PTPRK: variants seen among roughly 807,000 people sequenced by gnomAD.
The protein encoded by PTPRK is protein tyrosine phosphatase receptor type K.
In PTPRK, 75 loss-of-function variants were observed where a neutral mutation model predicts 178.0. The observed-to-expected ratio is 0.42, with a 90% CI of 0.35 to 0.51. The LOEUF is 0.51. Ranked by LOEUF, PTPRK falls within the 20% of genes least tolerant of loss-of-function variation. The pLI, the probability that PTPRK is intolerant of heterozygous loss-of-function variation, is 0.02. For missense variants in PTPRK, 1,441 were observed against 1,797.8 expected (o/e 0.80, Z 3.59); for synonymous variants, 637 against 620.6 (o/e 1.03, Z -0.39).
intron 3 of PTPRK, among the ~76,000 whole-genome samples, chr6:128,253,632 T>C (rs1464382551): frequency 1.3e-5 from 2 of 152,156 alleles, no homozygotes; most frequent in African/African-American, 4.8e-5. Context: ...GCACCAACAG[T>C]CCAATCTTAC....
intron 7 of PTPRK, among the ~76,000 whole-genome samples, chr6:128,158,719 A>T (rs950628419): frequency 3.0e-4 from 46 of 152,050 alleles, no homozygotes; most frequent in African/African-American, 9.6e-4. Context: ...GTTGTCAAAT[A>T]CTTGACCCGT....
chr6:128,302,748 C>G (rs115929673), intron 3 of PTPRK, among the ~76,000 whole-genome samples: 1 of 152,022 alleles, frequency 6.6e-6, no homozygotes, highest in Admixed American at 6.6e-5. Flanking sequence ...ATTCATGAAC[C>G]CTTTTCATAC....
chr6:127,983,007 T>A, intron 23 of PTPRK, 27 bp from the exon 24 acceptor site: 2 of 1,586,216 alleles, frequency 1.3e-6, no homozygotes, highest in Non-Finnish European at 1.7e-6. Context: ...AAAGAAAATT[T>A]TGTACTAGTT....
At chr6:128,354,817 T>A (rs1467432407) in intron 2 of PTPRK, among the ~76,000 whole-genome samples, 1 of 152,170 alleles carries the variant, frequency 6.6e-6, no homozygotes, top group Non-Finnish European at 1.5e-5. Context: ...ATGATGAAGC[T>A]CACATTCAAG....
At position 128,084,861 on chromosome 6, in the gene PTPRK, G is replaced by A. The variant is rs544225919; in HGVS notation, c.1466-1037C>T. The stretch of plus-strand genomic sequence containing the variant: ...AAAATATCAACTGAATATTGGGCAA[G>A]CATAGTTTTTAATTAATATTTTCCC... On this transcript the variant is annotated intron_variant, in intron 8 of 29. Coordinates refer to ENST00000368226, the MANE Select transcript of PTPRK (RefSeq NM_002844.4). 7 of 152,258 alleles carry A rather than the reference G, an allele frequency of 4.6e-5. No homozygotes were observed. In the South Asian group the frequency reaches 1.5e-3, roughly 32 times the overall value. 9.4% of individuals were successfully genotyped at this position (152,258 alleles called of 1,614,324 possible). A position where few individuals can be genotyped will look rare whatever the true frequency, so the allele number is the denominator to read the frequency against.
intron 3 of PTPRK, among the ~76,000 whole-genome samples, chr6:128,265,291 TG>T (rs1818778137): frequency 6.6e-6 from 1 of 152,174 alleles, no homozygotes; most frequent in Non-Finnish European, 1.5e-5. Context: ...ATACATGAGG[TG>T]GCAAATATAC....
chr6:128,092,591 T>C (rs990955485), intron 7 of PTPRK, among the ~76,000 whole-genome samples: 12 of 152,194 alleles, frequency 7.9e-5, no homozygotes, highest in African/African-American at 2.7e-4. Flanking sequence ...TATATACACA[T>C]ACATGTGAAA....
At chr6:128,003,768 A>C (rs985290073) in intron 15 of PTPRK, among the ~76,000 whole-genome samples, 6 of 151,892 alleles carry the variant, frequency 4.0e-5, no homozygotes, top group African/African-American at 1.4e-4. Context: ...AAGAGATGAT[A>C]CATCTTTATT....
At chr6:128,468,119 A>C (rs1252193640) in intron 1 of PTPRK, among the ~76,000 whole-genome samples, 1 of 152,228 alleles carries the variant, frequency 6.6e-6, no homozygotes, top group Admixed American at 6.5e-5. Context: ...AACGCGTGGC[A>C]ATTAGTGGAC....
At chr6:128,297,781 C>T (rs1159583948) in intron 3 of PTPRK, among the ~76,000 whole-genome samples, 2 of 152,018 alleles carry the variant, frequency 1.3e-5, no homozygotes, top group African/African-American at 2.4e-5. Context: ...CAGGAAAGAT[C>T]CAAAATTGAC....
intron 13 of PTPRK, chr6:128,062,614 T>C (rs1343572284): frequency 6.0e-6 from 1 of 167,010 alleles, no homozygotes; most frequent in African/African-American, 2.4e-5. Context: ...ATTATTAGCA[T>C]AATGATAAGA....
At chr6:127,986,157 G>T (rs1775953800) in intron 21 of PTPRK, among the ~76,000 whole-genome samples, 2 of 152,120 alleles carry the variant, frequency 1.3e-5, no homozygotes, top group Non-Finnish European at 2.9e-5. Flanking sequence ...CTTGTTTCTT[G>T]CTGGGAGTGA....
chr6:128,273,116 A>T (rs1427078942), intron 3 of PTPRK, among the ~76,000 whole-genome samples: 1 of 152,070 alleles, frequency 6.6e-6, no homozygotes, highest in Non-Finnish European at 1.5e-5. Context: ...AGAAAACCAA[A>T]CACTGCATGT....
At chr6:128,352,423 G>GGT (rs1833317882) in intron 2 of PTPRK, among the ~76,000 whole-genome samples, 1 of 40,460 alleles carries the variant, frequency 2.5e-5, no homozygotes, top group Non-Finnish European at 5.9e-5. Flanking sequence ...TCTAGTTGCA[G>GGT]ATCACTGTAC....
intron 2 of PTPRK, among the ~76,000 whole-genome samples, chr6:128,344,686 T>C (rs1487418097): frequency 6.6e-6 from 1 of 151,986 alleles, no homozygotes; most frequent in East Asian, 1.9e-4. Context: ...GACAAATTTT[T>C]TTGTATTTTT....
At chr6:128,479,507 C>T (rs952210664) in intron 1 of PTPRK, among the ~76,000 whole-genome samples, 2 of 152,116 alleles carry the variant, frequency 1.3e-5, no homozygotes, top group Non-Finnish European at 2.9e-5. Context: ...TGACACCAAG[C>T]TGGCATAGGG....
chr6:128,482,817 C>T (rs553970721), intron 1 of PTPRK, among the ~76,000 whole-genome samples: 1 of 152,126 alleles, frequency 6.6e-6, no homozygotes, highest in Non-Finnish European at 1.5e-5. Flanking sequence ...ATTCTTCTGA[C>T]AGGAGGGATC....
At chr6:128,133,856 G>A (rs563278816) in intron 7 of PTPRK, among the ~76,000 whole-genome samples, 1 of 151,970 alleles carries the variant, frequency 6.6e-6, no homozygotes, top group South Asian at 2.1e-4. Flanking sequence ...CTAGCCTAAA[G>A]AAAGATTTTA....
chr6:127,998,219 T>A (rs560460353), intron 16 of PTPRK, among the ~76,000 whole-genome samples: 16 of 152,102 alleles, frequency 1.1e-4, no homozygotes, highest in South Asian at 6.2e-4. Flanking sequence ...GCTCTATTTT[T>A]TTTCTCAGCC....
Sources: allele counts gnomAD v4.1 joint callset (sites outside exome capture counted in the v4.1 genomes callset), GRCh38; gene constraint gnomAD v4.1.1; transcripts MANE v1.5; gene names NCBI Gene and HGNC (gene_info 2026-07-23, HGNC 2026-07-21).